Variants in LRRK2 observed in about 807,000 individuals in gnomAD.
LRRK2 encodes the protein leucine-rich repeat serine/threonine-protein kinase 2.
In LRRK2, 203 loss-of-function variants were observed where a neutral mutation model predicts 302.6. That is an observed-to-expected ratio of 0.67 (90% CI 0.60 to 0.75). The LOEUF (loss-of-function observed/expected upper bound fraction) is 0.75, where lower values mean the gene tolerates loss of function less well. LRRK2 is among the 30% of genes least tolerant of loss of function. LRRK2 has a pLI of 0.00. For synonymous variants in LRRK2, 1,066 were observed against 1,031.9 expected, an observed-to-expected ratio of 1.03 and a Z score of -0.63; for missense variants, 2,830 against 2,951.0, an observed-to-expected ratio of 0.96 and a Z score of 0.95.
rs1431873805 is a variant in LRRK2, at chr12:40,364,996, C to T, written c.7336C>T (p.Arg2446Cys). 5.6e-6 allele frequency: 9 copies of T among 1,612,534 alleles called. 1 individual carries two copies. Among genetic ancestry groups the T allele is most frequent in the South Asian group, 5.5e-5 (5 of 91,050 alleles). The change falls in exon 49 of 51, where the codon CGT becomes TGT. Residue 2446 changes from arginine (R) to cysteine (C), a missense_variant. Physicochemically the swap from Arg to Cys is radical, Grantham distance 180. This residue lies in a region of LRRK2 where 456 missense variants were observed against 456.3 expected (regional missense o/e 1.00). Transcript: ENST00000298910. ...LLDLSTRRLI[R>C]VIYNFCNSVR... ...GGATCTTTCAACTCGTCGACTTATA[C>T]GTGTAATTTACAACTTTTGTAATTC...
At position 40,363,486 on chromosome 12, in the gene LRRK2, T is replaced by G. The variant is rs758070366; in HGVS notation, c.7113T>G (p.Pro2371=). The change falls in exon 48 of 51, where the codon CCT becomes CCG. Residue 2371 remains proline (P), a synonymous_variant. Coordinates refer to ENST00000298910, the MANE Select transcript of LRRK2 (RefSeq NM_198578.4). ...TCTATATTGCTAAGCAAAATAGCCC[T>G]GTTGTGGAAGTGTGGGATAAGAAAA... ...TALYIAKQNS[P]VVEVWDKKTE... 1 of 1,612,128 alleles carries G rather than the reference T, an allele frequency of 6.2e-7. No homozygotes were observed. Among genetic ancestry groups the G allele is most frequent in the African/African-American group, 1.3e-5 (1 of 74,896 alleles).
intron 11 of LRRK2, among the ~76,000 whole-genome samples, chr12:40,254,126 A>C (rs1219249855): frequency 6.6e-6 from 1 of 152,146 alleles, no homozygotes; most frequent in African/African-American, 2.4e-5. Flanking sequence ...CCTTAGGTGA[A>C]AACTCATCAT....
In LRRK2 at chr12:40,359,384, T is replaced by C. The variant is rs200690628; in HGVS notation, c.6968T>C (p.Ile2323Thr). Residue 2323 changes from isoleucine to threonine, a missense_variant, in exon 47 of 51, where the codon ATT becomes ACT. By Grantham distance (89) the Ile-to-Thr change is moderately conservative. Transcript: ENST00000298910. The stretch of plus-strand genomic sequence containing the variant: ...ATGTGGGGAGGATGTGGCACAAAGA[T>C]TTTCTCCTTTTCTAATGATTTCACC... ...NVMWGGCGTK[I>T]FSFSNDFTIQ... 6.2e-7 allele frequency: 1 copy of C among 1,613,392 alleles called. No individual in the cohort carries two copies. Among genetic ancestry groups the C allele is most frequent in the South Asian group, 1.1e-5 (1 of 91,042 alleles).
chr12:40,310,255 G>T (rs1199789741), intron 30 of LRRK2, among the ~76,000 whole-genome samples, 176 bp from the exon 31 acceptor site: 3 of 151,822 alleles, frequency 2.0e-5, no homozygotes, highest in African/African-American at 4.8e-5. Flanking sequence ...ATGTCGTAAG[G>T]TTACATTTTT....
chr12:40,298,799 A>ATATATATAT, intron 24 of LRRK2, among the ~76,000 whole-genome samples: 2 of 64,784 alleles, frequency 3.1e-5, no homozygotes, highest in East Asian at 3.2e-4. Flanking sequence ...ATATATATAT[A>ATATATATAT]ATATATGTAT....
chr12:40,291,052 G>T (rs930453238), intron 20 of LRRK2, among the ~76,000 whole-genome samples: 1 of 151,964 alleles, frequency 6.6e-6, no homozygotes, highest in Non-Finnish European at 1.5e-5. Context: ...ATGATAGACT[G>T]GATTAAGAAA....
intron 32 of LRRK2, 136 bp downstream of exon 32, chr12:40,314,309 C>A: frequency 1.1e-6 from 1 of 888,922 alleles, no homozygotes; most frequent in African/African-American, 1.7e-5. Flanking sequence ...TGATTTTTTT[C>A]TTTTTGGAAG....
chr12:40,240,940 G>A (rs1361048784), intron 6 of LRRK2, among the ~76,000 whole-genome samples: 1 of 152,176 alleles, frequency 6.6e-6, no homozygotes, highest in Non-Finnish European at 1.5e-5. Flanking sequence ...CCTAGAGTTA[G>A]GAGATCAAAT....
chr12:40,343,422 G>A (rs772809463), intron 41 of LRRK2, among the ~76,000 whole-genome samples: 4 of 152,090 alleles, frequency 2.6e-5, no homozygotes, highest in Admixed American at 2.0e-4. Context: ...TAGTCTTCGG[G>A]TAAATAAAAT....
chr12:40,237,026 T>C (rs892706091), intron 4 of LRRK2, among the ~76,000 whole-genome samples: 5 of 152,112 alleles, frequency 3.3e-5, no homozygotes, highest in African/African-American at 1.2e-4. Flanking sequence ...ATGCTGTTTG[T>C]GTTAAGTTTT....
chr12:40,292,537 T>A (rs1277390439), intron 20 of LRRK2, among the ~76,000 whole-genome samples: 2 of 151,732 alleles, frequency 1.3e-5, no homozygotes, highest in Non-Finnish European at 2.9e-5. Flanking sequence ...TATAATTATG[T>A]AATTGTTACT....
intron 34 of LRRK2, 92 bp from the exon 35 acceptor site, chr12:40,320,942 T>C: frequency 7.2e-7 from 1 of 1,390,388 alleles, no homozygotes. Context: ...TTGGAATGAT[T>C]ACCTTCATTG....
At position 40,361,852 on chromosome 12, in the gene LRRK2, C is replaced by T. The variant is rs574856960; in HGVS notation, c.7029-1550C>T. Among the ~76,000 whole-genome samples the T allele has an allele frequency of 6.4e-4, 97 of 152,178 alleles. 3 individuals are homozygous for T. The South Asian group carries it at 0.019, about 30-fold the overall frequency. ...GGGGTTGCCTCATCATCAGTACCCTCATCATCATCAGTACACACCGACTGA... is the reference window on the plus strand; with the variant it reads ...GGGGTTGCCTCATCATCAGTACCCTTATCATCATCAGTACACACCGACTGA... On this transcript the variant is annotated intron_variant, in intron 47 of 50. Transcript: ENST00000298910.
intron 11 of LRRK2, among the ~76,000 whole-genome samples, chr12:40,256,044 C>T (rs1942484470): frequency 6.6e-6 from 1 of 152,130 alleles, no homozygotes; most frequent in African/African-American, 2.4e-5. Flanking sequence ...TGTTGAATCA[C>T]AGTGTGTAAT....
Position 40,257,326 on chromosome 12 carries a change from C to G in LRRK2, c.1367C>G (p.Pro456Arg). The change falls in exon 12 of 51, where the codon CCT (proline) becomes CGT (arginine). Residue 456 changes from proline (P) to arginine (R), a missense_variant. Physicochemically the swap from Pro to Arg is moderately radical, Grantham distance 103. This residue lies in a region of LRRK2 where 2,121 missense variants were observed against 2,148.0 expected (regional missense o/e 0.99). Coordinates refer to ENST00000298910, the MANE Select transcript of LRRK2 (RefSeq NM_198578.4). The stretch of plus-strand genomic sequence containing the variant: ...TTAATGCAGAAGCATATACATTCTC[C>G]TGAAGTGGCTGAAAGTGGCTGTAAA... ...LELMQKHIHS[P>R]EVAESGCKML... 1 of 1,612,550 alleles carries G rather than the reference C, an allele frequency of 6.2e-7. No individual in the cohort carries two copies. Among genetic ancestry groups the G allele is most frequent in the Non-Finnish European group, 8.5e-7 (1 of 1,178,918 alleles).
chr12:40,293,235 A>G (rs1944230632), intron 20 of LRRK2, among the ~76,000 whole-genome samples: 1 of 152,064 alleles, frequency 6.6e-6, no homozygotes, highest in South Asian at 2.1e-4. Context: ...CTGCTGGACT[A>G]TGAGCTCCTC....
chr12:40,230,496 C>A (rs539406944), intron 2 of LRRK2, among the ~76,000 whole-genome samples: 1 of 152,110 alleles, frequency 6.6e-6, no homozygotes, highest in Non-Finnish European at 1.5e-5. Flanking sequence ...ACCGCTCATC[C>A]GTTCTTATAC....
rs1400126944 is a variant in LRRK2 at position 40,318,150 on chromosome 12, T to A, written c.4828-1838T>A. Reference sequence around the variant, plus strand: ...AGATTTTTTCTGTCCTCTTAAAGGCTAGGCCAAGGACTGGCAAAAATATTA... The same window carrying A: ...AGATTTTTTCTGTCCTCTTAAAGGCAAGGCCAAGGACTGGCAAAAATATTA... On this transcript the variant is annotated intron_variant, in intron 33 of 50. Coordinates refer to ENST00000298910, the MANE Select transcript of LRRK2 (RefSeq NM_198578.4). 2.0e-5 allele frequency among the ~76,000 whole-genome samples: 3 copies of A among 152,158 alleles called. No homozygotes were observed. In the East Asian group the frequency reaches 5.8e-4, roughly 29 times the overall value.
At chr12:40,264,444 C>G (rs954949157) in intron 14 of LRRK2, among the ~76,000 whole-genome samples, 3 of 152,092 alleles carry the variant, frequency 2.0e-5, no homozygotes, top group South Asian at 4.1e-4. Context: ...CATGGTGAAA[C>G]CCTGTCTCTA....
Sources: gnomAD v4.1 joint callset for allele counts (sites outside exome capture counted in the v4.1 genomes callset) on GRCh38, gnomAD v4.1.1 for gene constraint, gnomAD v4.1.1 regional missense constraint, MANE v1.5 for transcripts, NCBI Gene and HGNC (gene_info 2026-07-23, HGNC 2026-07-21) for gene names.